The following EEFSEC variants were observed in gnomAD, a reference collection of about 807,000 sequenced individuals.
EEFSEC encodes selenocysteine-specific elongation factor.
EEFSEC carries 43 observed loss-of-function variants against 42.1 expected under a neutral mutation model. The ratio of observed to expected loss-of-function variants is 1.02; its 90% CI spans 0.80 to 1.32. The LOEUF (loss-of-function observed/expected upper bound fraction) is 1.32, where lower values mean the gene tolerates loss of function less well. Among genes scored for constraint, EEFSEC ranks in the 40% most tolerant of loss-of-function variants. EEFSEC has a pLI of 0.00. For missense variants in EEFSEC, 745 were observed against 803.6 expected, an observed-to-expected ratio of 0.93 and a Z score of 0.88; for synonymous variants, 354 against 339.1, an observed-to-expected ratio of 1.04 and a Z score of -0.48.
At chr3:128,171,288 T>C (rs531862484) in intron 1 of EEFSEC, among the ~76,000 whole-genome samples, 1 of 152,264 alleles carries the variant, frequency 6.6e-6, no homozygotes, top group Non-Finnish European at 1.5e-5. Context: ...TCAGAAAAAT[T>C]GCTGCTTGCT....
chr3:128,422,591 C>T, the EEFSEC span, among the ~76,000 whole-genome samples: 6 of 152,234 alleles, frequency 3.9e-5, no homozygotes, highest in East Asian at 1.9e-4. Context: ...TGAGGCCCCC[C>T]GGCTGCTCTC....
intron 4 of EEFSEC, among the ~76,000 whole-genome samples, chr3:128,334,068 A>C (rs2067163256): frequency 6.6e-6 from 1 of 152,250 alleles, no homozygotes; most frequent in Non-Finnish European, 1.5e-5. Context: ...CAAGTCCAGC[A>C]GGGAGAGGGC....
rs867798525 is a variant in EEFSEC, at chr3:128,264,769, C to T, written c.774C>T (p.Ile258=). ...GSISLGDSVE[I]PALKVVKKVK... is the part of the protein sequence containing the mutation. ...TCAGCCTCGGTGACAGTGTGGAGAT[C>T]CCTGCCCTCAAGGTCAGTCTTACCT... Residue 258 remains isoleucine, a synonymous_variant, in exon 4 of 7, where the codon ATC becomes ATT. Transcript: ENST00000254730. The T allele has an allele frequency of 6.2e-7, 1 of 1,613,882 alleles. No homozygotes were observed. The highest frequency in any genetic ancestry group is 8.5e-7 in the Non-Finnish European group (1 of 1,179,836).
chr3:128,223,643 C>T (rs867224738), intron 1 of EEFSEC, among the ~76,000 whole-genome samples: 5 of 152,298 alleles, frequency 3.3e-5, no homozygotes, highest in Admixed American at 1.3e-4. Context: ...CACCACTGGG[C>T]TTCAGTATCC....
chr3:128,245,641 T>C (rs1332372317), intron 1 of EEFSEC, among the ~76,000 whole-genome samples: 4 of 152,072 alleles, frequency 2.6e-5, no homozygotes, highest in African/African-American at 9.7e-5. Flanking sequence ...CTTGGAACAG[T>C]GGGAAGAATT....
intron 1 of EEFSEC, among the ~76,000 whole-genome samples, chr3:128,241,186 CCT>C (rs1553745908): frequency 2.8e-4 from 39 of 139,668 alleles, no homozygotes; most frequent in African/African-American, 4.4e-4. Flanking sequence ...AAGCCTTTGT[CCT>C]CTCTCTCTCT....
intron 1 of EEFSEC, among the ~76,000 whole-genome samples, chr3:128,184,738 C>G (rs1327358907): frequency 6.6e-6 from 1 of 151,844 alleles, no homozygotes; most frequent in Non-Finnish European, 1.5e-5. Context: ...TTTTCCTTAT[C>G]TCTTATAGAA....
chr3:128,327,950 G>A (rs1258916147), intron 4 of EEFSEC, among the ~76,000 whole-genome samples: 6 of 152,144 alleles, frequency 3.9e-5, no homozygotes, highest in East Asian at 1.9e-4. Context: ...TGGGAAGGGC[G>A]CCCATGAGGA....
At chr3:128,164,095 C>T (rs2065221128) in intron 1 of EEFSEC, among the ~76,000 whole-genome samples, 2 of 152,136 alleles carry the variant, frequency 1.3e-5, no homozygotes, top group South Asian at 2.1e-4. Flanking sequence ...CCCATGGAGA[C>T]ATTTGGGCTG....
chr3:128,403,379 C>T (rs1046515394), intron 6 of EEFSEC, among the ~76,000 whole-genome samples: 2 of 152,176 alleles, frequency 1.3e-5, no homozygotes, highest in Non-Finnish European at 2.9e-5. Context: ...GCCCCCAGTG[C>T]AGGGAGGAAG....
At chr3:128,370,665 C>T (rs1702128) in intron 6 of EEFSEC, among the ~76,000 whole-genome samples, 2 of 152,252 alleles carry the variant, frequency 1.3e-5, no homozygotes, top group Admixed American at 1.3e-4. Context: ...CAGCCCAGCT[C>T]TGTTTCAGCC....
intron 1 of EEFSEC, among the ~76,000 whole-genome samples, chr3:128,244,393 A>G (rs981890816): frequency 2.0e-5 from 3 of 151,978 alleles, no homozygotes; most frequent in East Asian, 3.9e-4. Flanking sequence ...AGCACACAGC[A>G]TGGTGCTTGG....
intron 4 of EEFSEC, among the ~76,000 whole-genome samples, chr3:128,321,675 C>T (rs764356998): frequency 6.6e-6 from 1 of 152,204 alleles, no homozygotes; most frequent in Non-Finnish European, 1.5e-5. Context: ...CCACCTTCCA[C>T]CCAGGAAGGG....
At chr3:128,373,796 A>G (rs1351470335) in intron 6 of EEFSEC, among the ~76,000 whole-genome samples, 1 of 152,182 alleles carries the variant, frequency 6.6e-6, no homozygotes, top group African/African-American at 2.4e-5. Flanking sequence ...CAGGTATCAC[A>G]TGCATATCTT....
chr3:128,191,658 AC>A (rs2065525667), intron 1 of EEFSEC, among the ~76,000 whole-genome samples: 1 of 151,972 alleles, frequency 6.6e-6, no homozygotes, highest in Non-Finnish European at 1.5e-5. Flanking sequence ...CCACCATTCT[AC>A]TTTTTGTTTA....
chr3:128,258,859 A>G (rs553870952), intron 2 of EEFSEC, among the ~76,000 whole-genome samples: 2 of 152,290 alleles, frequency 1.3e-5, no homozygotes, highest in South Asian at 2.1e-4. Flanking sequence ...CTGCTTTCCA[A>G]ATTCTCATAT....
intron 6 of EEFSEC, among the ~76,000 whole-genome samples, chr3:128,359,309 A>G (rs1008418734): frequency 3.3e-5 from 5 of 152,156 alleles, no homozygotes; most frequent in African/African-American, 1.2e-4. Flanking sequence ...TGCAGGACAT[A>G]GGCCAGGGTT....
At chr3:128,273,823 G>C (rs990540299) in intron 4 of EEFSEC, among the ~76,000 whole-genome samples, 1 of 152,216 alleles carries the variant, frequency 6.6e-6, no homozygotes, top group Non-Finnish European at 1.5e-5. Context: ...TAAGGAAGGG[G>C]ACAGGCAGGA....
chr3:128,189,425 C>T lies in EEFSEC; in HGVS notation c.316+35602C>T, dbSNP rs567534839. 4.6e-5 allele frequency among the ~76,000 whole-genome samples: 7 copies of T among 152,292 alleles called. No homozygotes were observed. The South Asian group carries it at 1.2e-3, about 27-fold the overall frequency. On this transcript the variant is annotated intron_variant, in intron 1 of 6. Transcript: ENST00000254730. Reference sequence around the variant, plus strand: ...GGTGTTTGTGGTGATGCTGGTGTAACCAAACCTACTGTGCTCAGTCTTATA... The same window carrying T: ...GGTGTTTGTGGTGATGCTGGTGTAATCAAACCTACTGTGCTCAGTCTTATA...
Sources: allele counts gnomAD v4.1 joint callset (sites outside exome capture counted in the v4.1 genomes callset), GRCh38; gene constraint gnomAD v4.1.1; transcripts MANE v1.5; gene names NCBI Gene and HGNC (gene_info 2026-07-23, HGNC 2026-07-21).